Variants in RILPL1 observed in about 807,000 individuals in gnomAD.
The protein encoded by RILPL1 is Rab interacting lysosomal protein like 1.
RILPL1 carries 33 observed loss-of-function variants against 50.3 expected under a neutral mutation model. The ratio of observed to expected loss-of-function variants is 0.66; its 90% CI spans 0.50 to 0.88. The LOEUF (loss-of-function observed/expected upper bound fraction) is 0.88, where lower values mean the gene tolerates loss of function less well. Among genes scored for constraint, RILPL1 ranks in the 40% least tolerant of loss-of-function variants. The pLI, the probability that RILPL1 is intolerant of heterozygous loss-of-function variation, is 0.00. For synonymous variants in RILPL1, 205 were observed against 228.6 expected, an observed-to-expected ratio of 0.90 and a Z score of 0.93; for missense variants, 418 against 542.5, an observed-to-expected ratio of 0.77 and a Z score of 2.28.
chr12:123,472,898 G>A (rs940186318), intron 6 of RILPL1: 76 of 541,240 alleles, frequency 1.4e-4, no homozygotes, highest in Non-Finnish European at 2.1e-4. Flanking sequence ...GAGGTCACGC[G>A]GTATGGGCAA....
rs377298300 is a variant in RILPL1, at chr12:123,522,060, T to C, written c.460+1435A>G. Among the ~76,000 whole-genome samples the C allele has an allele frequency of 3.9e-5, 6 of 152,294 alleles. No individual in the cohort carries two copies. In the East Asian group the frequency reaches 7.7e-4, roughly 20 times the overall value. ...TGCTGGGATTACAGGCGTGAGCCAC[T>C]GTGCCTGGCCTTTAGTGCCATACTT... On this transcript the variant is annotated intron_variant, in intron 2 of 6. Coordinates refer to ENST00000376874, the MANE Select transcript of RILPL1 (RefSeq NM_178314.5). The surrounding 1 kb of genome is among the most constrained non-coding windows in gnomAD (Gnocchi z 4.0).
chr12:123,492,396 G>C (rs1882759266), intron 4 of RILPL1, among the ~76,000 whole-genome samples: 1 of 152,178 alleles, frequency 6.6e-6, no homozygotes, highest in South Asian at 2.1e-4. Flanking sequence ...TACACAGAGG[G>C]AAACAGCCTG....
intron 1 of RILPL1, among the ~76,000 whole-genome samples, chr12:123,526,504 T>C (rs1211755169): frequency 1.3e-5 from 2 of 152,030 alleles, no homozygotes; most frequent in East Asian, 3.9e-4. Flanking sequence ...GGTGTGAGGA[T>C]TAAATGGTTA....
At chr12:123,512,508 CTGTG>C (rs984772063) in intron 2 of RILPL1, among the ~76,000 whole-genome samples, 15 of 70,076 alleles carry the variant, frequency 2.1e-4, no homozygotes, top group East Asian at 5.1e-4. Flanking sequence ...GGTGTGAGAT[CTGTG>C]TGTGTGTGAG....
In RILPL1 at chr12:123,525,432, GATCATGCCTGTA is replaced by G. The variant is rs1051897894; in HGVS notation, c.310-1799_310-1788del. ...GGGGTATTGCTGGCTGAGTGTGGTG[GATCATGCCTGTA>G]ACCTCAGCACTTTGGGAGGCCGAGG... On this transcript the variant is annotated intron_variant, in intron 1 of 6. Coordinates refer to ENST00000376874, the MANE Select transcript of RILPL1 (RefSeq NM_178314.5). Among the ~76,000 whole-genome samples, 3 of 147,658 alleles carry G rather than the reference GATCATGCCTGTA, an allele frequency of 2.0e-5. No individual in the cohort carries two copies. The Admixed American group carries it at 2.1e-4, about 10-fold the overall frequency.
chr12:123,523,760 G>A (rs573713597), intron 1 of RILPL1, 115 bp from the exon 2 acceptor site: 48 of 1,238,412 alleles, frequency 3.9e-5, no homozygotes, highest in East Asian at 1.5e-4. Context: ...CCCCTTCCTC[G>A]TGAGAACTGG....
At position 123,522,734 on chromosome 12, in the gene RILPL1, A is replaced by C. The variant is rs529010052; in HGVS notation, c.460+761T>G. Reference sequence around the variant, plus strand: ...TCAGCCTTCAAGTAGCTCAGACTACAGGTGTGCACCACTGCACCTGGCTTA... The same window carrying C: ...TCAGCCTTCAAGTAGCTCAGACTACCGGTGTGCACCACTGCACCTGGCTTA... On this transcript the variant is annotated intron_variant, in intron 2 of 6. Coordinates refer to ENST00000376874, the MANE Select transcript of RILPL1 (RefSeq NM_178314.5). This position sits in a 1 kb window ranked among gnomAD's most constrained non-coding sequence, Gnocchi z 4.0. 2.6e-5 allele frequency among the ~76,000 whole-genome samples: 4 copies of C among 152,208 alleles called. No individual in the cohort carries two copies. In the East Asian group the frequency reaches 7.7e-4, roughly 29 times the overall value.
Position 123,528,429 on chromosome 12 carries a change from G to GT in RILPL1, c.309+4744dup, listed in dbSNP as rs201808437. Among the ~76,000 whole-genome samples the GT allele has an allele frequency of 1.5e-3, 151 of 101,060 alleles. 2 individuals carry two copies. The highest frequency in any genetic ancestry group is 3.8e-3 in the African/African-American group (138 of 36,188). The allele number at this position is 101,060 out of a possible 152,430, so 66.3% of individuals were successfully genotyped here. On this transcript the variant is annotated intron_variant, in intron 1 of 6. Coordinates refer to ENST00000376874, the MANE Select transcript of RILPL1 (RefSeq NM_178314.5). ...AGTTTGTGTTGATTTTTTTGTTGTT[G>GT]TTTGTTTTTTTTTTTTGAGACGGAG...
chr12:123,487,892 C>T (rs1295062592), intron 4 of RILPL1, among the ~76,000 whole-genome samples: 1 of 152,176 alleles, frequency 6.6e-6, no homozygotes, highest in Non-Finnish European at 1.5e-5. Context: ...ACCAGCAATG[C>T]ACAAGGGTTC....
In RILPL1 at chr12:123,471,066, T is replaced by C. The variant is rs922907378; in HGVS notation, c.*1472A>G. The C allele has an allele frequency of 6.6e-6, 1 of 151,454 alleles. No individual in the cohort carries two copies. The highest frequency in any genetic ancestry group is 2.4e-5 in the African/African-American group (1 of 40,940). The allele number at this position is 151,454 out of a possible 1,614,324, so 9.4% of individuals were successfully genotyped here. ...TCTGCAAATTCACCTGATGGTTTCT[T>C]TCTTTCTTTTTTTTTTTTTTTTTAG... On this transcript the variant is annotated 3_prime_UTR_variant, in exon 7 of 7. Coordinates refer to ENST00000376874, the MANE Select transcript of RILPL1 (RefSeq NM_178314.5).
Position 123,493,179 on chromosome 12 carries a change from A to ATT in RILPL1, c.801+5364_801+5365insAA. Among the ~76,000 whole-genome samples the ATT allele has an allele frequency of 2.0e-5, 3 of 152,190 alleles. No homozygotes were observed. The Middle Eastern group carries it at 0.01, about 518-fold the overall frequency. On this transcript the variant is annotated intron_variant, in intron 4 of 6. Coordinates refer to ENST00000376874, the MANE Select transcript of RILPL1 (RefSeq NM_178314.5). ...GTTCCATCTACTGAGATAGGGAAAA[A>ATT]CCGCCTTAAGGCTGGAGGTGGGACA...
In RILPL1 at chr12:123,470,968, C is replaced by CT. The variant is rs1881162635; in HGVS notation, c.*1569dup. ...GCACTCAGGTTTGAGAAACACTGCT[C>CT]TAACGCAGCAATAATTACCCTGTCT... On this transcript the variant is annotated 3_prime_UTR_variant, in exon 7 of 7. Transcript: ENST00000376874. 2 of 152,150 alleles carry CT rather than the reference C, an allele frequency of 1.3e-5. No homozygotes were observed. Among genetic ancestry groups the CT allele is most frequent in the Admixed American group, 1.3e-4 (2 of 15,268 alleles). The allele number at this position is 152,150 out of a possible 1,614,324, so 9.4% of individuals were successfully genotyped here.
At chr12:123,499,784 C>T (rs1883255820) in intron 2 of RILPL1, among the ~76,000 whole-genome samples, 1 of 152,102 alleles carries the variant, frequency 6.6e-6, no homozygotes, top group Non-Finnish European at 1.5e-5. Flanking sequence ...TTCTCATCTC[C>T]CTGTGGCTGG....
Position 123,511,084 on chromosome 12 carries a change from G to A in RILPL1, c.461-11548C>T, listed in dbSNP as rs1177576821. On this transcript the variant is annotated intron_variant, in intron 2 of 6. Coordinates refer to ENST00000376874, the MANE Select transcript of RILPL1 (RefSeq NM_178314.5). ...TGGGGTCTGTGTGTGTGTGAGGTCTGTGTGTGGTGTGTGTGTTAGGTCTGT... is the reference window on the plus strand; with the variant it reads ...TGGGGTCTGTGTGTGTGTGAGGTCTATGTGTGGTGTGTGTGTTAGGTCTGT... Among the ~76,000 whole-genome samples, 50 of 146,970 alleles carry A rather than the reference G, an allele frequency of 3.4e-4. 1 individual carries two copies. The highest frequency in any genetic ancestry group is 6.0e-5 in the Non-Finnish European group (4 of 66,810).
intron 6 of RILPL1, among the ~76,000 whole-genome samples, chr12:123,482,784 G>T (rs1260656098): frequency 6.6e-6 from 1 of 151,638 alleles, no homozygotes; most frequent in African/African-American, 2.4e-5. Flanking sequence ...TGTATTTTTT[G>T]TAGAGAGGTG....
At chr12:123,496,189 T>A (rs184679654) in intron 4 of RILPL1, among the ~76,000 whole-genome samples, 201 of 151,546 alleles carry the variant, frequency 1.3e-3, no homozygotes, top group African/African-American at 4.8e-3. Flanking sequence ...AATTTTTGTA[T>A]TTTTAGTAGA....
chr12:123,532,703 TGG>T (rs371925078), intron 1 of RILPL1, among the ~76,000 whole-genome samples: 1,097 of 23,600 alleles, frequency 0.046, 121 homozygotes, highest in African/African-American at 0.12. Context: ...CTGGGGAGAC[TGG>T]GGGGGGGGGG....
rs1469173519 is a variant in RILPL1 at position 123,507,317 on chromosome 12, C to T, written c.461-7781G>A. Among the ~76,000 whole-genome samples, 3 of 152,082 alleles carry T rather than the reference C, an allele frequency of 2.0e-5. No homozygotes were observed. In the East Asian group the frequency reaches 5.8e-4, roughly 29 times the overall value. ...GTGGTTCATGCCTGTAATCCCAGCA[C>T]TTTGGGAGGCCAAGACAGGAGGACT... On this transcript the variant is annotated intron_variant, in intron 2 of 6. Coordinates refer to ENST00000376874, the MANE Select transcript of RILPL1 (RefSeq NM_178314.5).
At chr12:123,528,412 T>C (rs1885332578) in intron 1 of RILPL1, among the ~76,000 whole-genome samples, 1 of 144,252 alleles carries the variant, frequency 6.9e-6, no homozygotes, top group African/African-American at 2.5e-5. Context: ...TAAGTTTGTG[T>C]TGATTTTTTT....
Sources: allele counts gnomAD v4.1 joint callset (sites outside exome capture counted in the v4.1 genomes callset), GRCh38; gene constraint gnomAD v4.1.1; non-coding constraint Gnocchi (gnomAD v3.1); transcripts MANE v1.5; gene names NCBI Gene and HGNC (gene_info 2026-07-23, HGNC 2026-07-21).